DLG2: variants seen among roughly 807,000 people sequenced by gnomAD.
DLG2 encodes the protein discs large MAGUK scaffold protein 2, also known as disks large homolog 2.
A neutral mutation model predicts 132.5 loss-of-function variants in DLG2; 45 were observed. That is an observed-to-expected ratio of 0.34 (90% CI 0.27 to 0.44). The LOEUF (loss-of-function observed/expected upper bound fraction) is 0.44, where lower values mean the gene tolerates loss of function less well. DLG2 is among the 20% of genes least tolerant of loss of function. The pLI is 1.00. For synonymous variants in DLG2, 424 were observed against 419.6 expected (o/e 1.01, Z -0.13); for missense variants, 1,045 against 1,196.9 (o/e 0.87, Z 1.87).
chr11:85,021,327 G>A lies in DLG2; in HGVS notation c.357+90334C>T, dbSNP rs1316705868. On this transcript the variant is annotated intron_variant, in intron 6 of 27. Coordinates refer to ENST00000376104, the MANE Select transcript of DLG2 (RefSeq NM_001142699.3). ...CCCACTGAAAGTCATAGTCTAAGTC[G>A]AAAGAAGAGCCATACATCTGTGCTG... 41 of 1,272,212 alleles carry A rather than the reference G, an allele frequency of 3.2e-5. 1 individual carries two copies. Among genetic ancestry groups the A allele is most frequent in the South Asian group, 1.3e-4 (11 of 83,956 alleles). The allele number at this position is 1,272,212 out of a possible 1,614,324, so 78.8% of individuals were successfully genotyped here. A position where few individuals can be genotyped will look rare whatever the true frequency, so the allele number is the denominator to read the frequency against.
intron 6 of DLG2, among the ~76,000 whole-genome samples, chr11:85,083,110 G>A (rs1023609960): frequency 2.6e-5 from 4 of 152,108 alleles, no homozygotes; most frequent in Non-Finnish European, 4.4e-5. Flanking sequence ...TAAAACTCCA[G>A]AAATGAGTTG....
chr11:85,535,309 G>A (rs928803722), intron 3 of DLG2, among the ~76,000 whole-genome samples: 5 of 151,990 alleles, frequency 3.3e-5, no homozygotes, highest in South Asian at 2.1e-4. Context: ...AGTATTGCTA[G>A]TACCATATAA....
Position 84,208,215 on chromosome 11 carries a change from G to A in DLG2, c.573+43023C>T, listed in dbSNP as rs373488265. On this transcript the variant is annotated intron_variant, in intron 8 of 27. Transcript: ENST00000376104. The stretch of plus-strand genomic sequence containing the variant: ...GTTCCATTGATTTATGTCTTTGCCT[G>A]CAACTCCTGTCTCCCTGAAATGTGT... 2.6e-5 allele frequency among the ~76,000 whole-genome samples: 4 copies of A among 152,144 alleles called. No individual in the cohort carries two copies. In the East Asian group the frequency reaches 7.7e-4, roughly 29 times the overall value.
intron 6 of DLG2, among the ~76,000 whole-genome samples, chr11:84,627,256 A>G (rs968071617): frequency 6.6e-6 from 1 of 152,202 alleles, no homozygotes; most frequent in African/African-American, 2.4e-5. Flanking sequence ...ACACAAGCCT[A>G]TGCACAATCA....
chr11:85,148,299 T>A (rs192887109), intron 5 of DLG2, among the ~76,000 whole-genome samples: 8 of 152,330 alleles, frequency 5.3e-5, no homozygotes, highest in Admixed American at 2.0e-4. Context: ...AAATGGTATT[T>A]CTGGTTGTAG....
rs541261423 is a variant in DLG2, at chr11:84,515,611, G to A, written c.519+18959C>T. 9.5e-4 allele frequency among the ~76,000 whole-genome samples: 145 copies of A among 151,868 alleles called. 1 individual carries two copies. Among genetic ancestry groups the A allele is most frequent in the Non-Finnish European group, 1.6e-3 (111 of 67,786 alleles). ...ACATAAATATGGATAGATCTGAATGGAGAGCCAGACTAAAATTAATAATAG... is the reference window on the plus strand; with the variant it reads ...ACATAAATATGGATAGATCTGAATGAAGAGCCAGACTAAAATTAATAATAG... On this transcript the variant is annotated intron_variant, in intron 7 of 27. Coordinates refer to ENST00000376104, the MANE Select transcript of DLG2 (RefSeq NM_001142699.3).
At chr11:83,858,879 A>T (rs1203613271) in intron 16 of DLG2, among the ~76,000 whole-genome samples, 1 of 152,174 alleles carries the variant, frequency 6.6e-6, no homozygotes, top group Admixed American at 6.6e-5. Flanking sequence ...ATACACAAAC[A>T]CAAATGCATA....
chr11:84,476,923 C>A (rs1256798332), intron 7 of DLG2, among the ~76,000 whole-genome samples: 1 of 152,072 alleles, frequency 6.6e-6, no homozygotes, highest in African/African-American at 2.4e-5. Context: ...GCCACAGAAG[C>A]ATGAGAGATA....
At chr11:84,213,780 C>A (rs2096790189) in intron 8 of DLG2, among the ~76,000 whole-genome samples, 1 of 143,224 alleles carries the variant, frequency 7.0e-6, no homozygotes, top group Non-Finnish European at 1.5e-5. Context: ...GACCACGCCA[C>A]TGCACTCCAG....
chr11:83,869,733 T>C lies in DLG2; in HGVS notation c.1565+4687A>G, dbSNP rs73520845. Among the ~76,000 whole-genome samples, 727 of 152,334 alleles carry C rather than the reference T, an allele frequency of 4.8e-3. 9 individuals carry two copies. The highest frequency in any genetic ancestry group is 0.016 in the African/African-American group (654 of 41,568). The stretch of plus-strand genomic sequence containing the variant: ...GACAAACTATTTATTCCATAAAGGA[T>C]TCCTTGAAGAATTTCCCTGAAGGTG... On this transcript the variant is annotated intron_variant, in intron 16 of 27. Coordinates refer to ENST00000376104, the MANE Select transcript of DLG2 (RefSeq NM_001142699.3).
rs180851175 is a variant in DLG2, at chr11:83,725,217, T to G, written c.1825+61473A>C. 180 of 275,954 alleles carry G rather than the reference T, an allele frequency of 6.5e-4. No individual in the cohort carries two copies. The East Asian group carries it at 0.011, about 16-fold the overall frequency. The allele number at this position is 275,954 out of a possible 1,614,324, so 17.1% of individuals were successfully genotyped here. ...TTAAAAAGGCTTAGTCCTGGAAAAG[T>G]CGAAGAGGTGAAAACCTGCCTGGGG... On this transcript the variant is annotated intron_variant, in intron 18 of 27. Coordinates refer to ENST00000376104, the MANE Select transcript of DLG2 (RefSeq NM_001142699.3).
intron 17 of DLG2, chr11:83,791,129 C>T: frequency 1.5e-6 from 1 of 655,378 alleles, no homozygotes; most frequent in Non-Finnish European, 2.7e-6. Context: ...CATCTTGATG[C>T]ACGTCTCCTC....
intron 4 of DLG2, among the ~76,000 whole-genome samples, chr11:85,275,240 C>G (rs921322355): frequency 6.6e-6 from 1 of 152,152 alleles, no homozygotes; most frequent in Non-Finnish European, 1.5e-5. Context: ...CTCACTTACT[C>G]TTGTAGACTC....
intron 14 of DLG2, among the ~76,000 whole-genome samples, chr11:83,946,844 T>G (rs942462878): frequency 2.6e-5 from 4 of 152,202 alleles, no homozygotes; most frequent in African/African-American, 9.6e-5. Context: ...TAGCCCTACC[T>G]TGCTTTAGTC....
intron 21 of DLG2, among the ~76,000 whole-genome samples, chr11:83,525,724 T>C (rs75674706): frequency 0.021 from 3,221 of 152,268 alleles, 119 homozygotes; most frequent in African/African-American, 0.072. Context: ...CTCTGGACAT[T>C]TGAGATCTTT....
intron 18 of DLG2, among the ~76,000 whole-genome samples, chr11:83,652,324 A>T (rs17145890): frequency 0.11 from 16,549 of 152,130 alleles, 2,118 homozygotes; most frequent in African/African-American, 0.31. Flanking sequence ...TTGAGAGATG[A>T]TTAAGATGAA....
At chr11:85,254,545 G>A (rs1185190015) in intron 4 of DLG2, among the ~76,000 whole-genome samples, 2 of 151,820 alleles carry the variant, frequency 1.3e-5, no homozygotes, top group African/African-American at 4.8e-5. Flanking sequence ...TTGTTATTAA[G>A]AAAAAATTAT....
At chr11:84,251,030 C>CT (rs1162545168) in intron 8 of DLG2, among the ~76,000 whole-genome samples, 4 of 152,184 alleles carry the variant, frequency 2.6e-5, no homozygotes, top group Middle Eastern at 3.4e-3. Flanking sequence ...ATAATGGGCC[C>CT]TTGTGTTTTA....
At chr11:85,229,854 C>G (rs995864582) in intron 4 of DLG2, among the ~76,000 whole-genome samples, 1 of 152,016 alleles carries the variant, frequency 6.6e-6, no homozygotes, top group Non-Finnish European at 1.5e-5. Context: ...ATGGATGAAG[C>G]TGGAAACCAG....
Sources: gnomAD v4.1 joint callset for allele counts (sites outside exome capture counted in the v4.1 genomes callset) on GRCh38, gnomAD v4.1.1 for gene constraint, MANE v1.5 for transcripts, NCBI Gene and HGNC (gene_info 2026-07-23, HGNC 2026-07-21) for gene names.